GRID1: variants seen among roughly 807,000 people sequenced by gnomAD.
GRID1 encodes glutamate ionotropic receptor delta type subunit 1, also known as glutamate receptor ionotropic, delta-1.
In GRID1, 28 loss-of-function variants were observed where a neutral mutation model predicts 98.0. The ratio of observed to expected loss-of-function variants is 0.29; its 90% CI spans 0.21 to 0.39. The LOEUF is 0.39. GRID1 is among the 10% of genes least tolerant of loss of function. GRID1 has a pLI of 1.00. For missense variants in GRID1, 1,111 were observed against 1,340.5 expected, an observed-to-expected ratio of 0.83 and a Z score of 2.67; for synonymous variants, 553 against 538.5, an observed-to-expected ratio of 1.03 and a Z score of -0.37.
rs374283613 is a variant in GRID1 at position 86,323,169 on chromosome 10, T to C, written c.235+40772A>G. ...ATCCCAGAAAACAACACAGCCTGCCTACAGAGGAGCAGAAGCTGCAGCAGT... is the reference window on the plus strand; with the variant it reads ...ATCCCAGAAAACAACACAGCCTGCCCACAGAGGAGCAGAAGCTGCAGCAGT... On this transcript the variant is annotated intron_variant, in intron 2 of 15. Transcript: ENST00000327946. 3.3e-5 allele frequency among the ~76,000 whole-genome samples: 5 copies of C among 152,290 alleles called. No homozygotes were observed. The East Asian group carries it at 9.6e-4, about 29-fold the overall frequency.
At chr10:86,128,775 G>A (rs111397796) in intron 4 of GRID1, among the ~76,000 whole-genome samples, 3 of 152,008 alleles carry the variant, frequency 2.0e-5, no homozygotes, top group Admixed American at 1.3e-4. Context: ...TTTTCTCAAC[G>A]CCCTTCATGC....
chr10:86,061,817 C>G (rs1043732522), intron 4 of GRID1, among the ~76,000 whole-genome samples: 1 of 152,204 alleles, frequency 6.6e-6, no homozygotes, highest in Non-Finnish European at 1.5e-5. Context: ...GCCTGTTCAA[C>G]CTGCCTTATT....
intron 8 of GRID1, among the ~76,000 whole-genome samples, chr10:85,732,795 T>C (rs977725101): frequency 2.6e-5 from 4 of 152,220 alleles, no homozygotes; most frequent in African/African-American, 7.2e-5. Context: ...ACTTTTCAGC[T>C]TGGCCTAAAA....
At chr10:86,333,888 G>C (rs1310896334) in intron 2 of GRID1, among the ~76,000 whole-genome samples, 3 of 152,082 alleles carry the variant, frequency 2.0e-5, no homozygotes, top group African/African-American at 7.2e-5. Flanking sequence ...AGAGGAGAAA[G>C]AAAATCCTTG....
At chr10:86,210,635 G>A (rs1177135743) in intron 2 of GRID1, among the ~76,000 whole-genome samples, 6 of 152,152 alleles carry the variant, frequency 3.9e-5, no homozygotes, top group South Asian at 2.1e-4. Context: ...CCCACCCCTC[G>A]TGGAGCCACC....
chr10:85,772,703 A>C lies in GRID1; in HGVS notation c.1234-43089T>G, dbSNP rs9664104. Among the ~76,000 whole-genome samples, 148 of 152,386 alleles carry C rather than the reference A, an allele frequency of 9.7e-4. 1 individual carries two copies. The highest frequency in any genetic ancestry group is 3.3e-3 in the African/African-American group (139 of 41,594). On this transcript the variant is annotated intron_variant, in intron 8 of 15. Coordinates refer to ENST00000327946, the MANE Select transcript of GRID1 (RefSeq NM_017551.3). ...GAGAATACTATAAACACCTCTACGC[A>C]AATAAACTAGAAAATCTAGAAGAAA...
In GRID1 at chr10:86,316,434, C is replaced by T. The variant is rs545390263; in HGVS notation, c.235+47507G>A. On this transcript the variant is annotated intron_variant, in intron 2 of 15. Transcript: ENST00000327946. ...CAGAGTCTCCAGAGATACAACAATC[C>T]CCCCCATCAGGCACAGCCTGGCCCC... is the stretch of plus-strand genomic sequence containing the variant. Among the ~76,000 whole-genome samples, 20 of 152,320 alleles carry T rather than the reference C, an allele frequency of 1.3e-4. No homozygotes were observed. In the South Asian group the frequency reaches 3.7e-3, roughly 28 times the overall value.
chr10:86,000,523 T>TCA (rs1842791194), intron 4 of GRID1, among the ~76,000 whole-genome samples: 2 of 152,228 alleles, frequency 1.3e-5, no homozygotes, highest in African/African-American at 4.8e-5. Flanking sequence ...ATTTTCAGAC[T>TCA]CACCATAAGT....
chr10:85,832,681 C>A (rs1342406919), intron 8 of GRID1, among the ~76,000 whole-genome samples: 1 of 152,048 alleles, frequency 6.6e-6, no homozygotes, highest in Non-Finnish European at 1.5e-5. Context: ...GAACTCAGCG[C>A]TAGAGGAAAA....
At chr10:85,948,183 A>T (rs1299621528) in intron 4 of GRID1, among the ~76,000 whole-genome samples, 1 of 152,276 alleles carries the variant, frequency 6.6e-6, no homozygotes, top group African/African-American at 2.4e-5. Flanking sequence ...GGATTTGATT[A>T]GATGAGATAA....
intron 4 of GRID1, among the ~76,000 whole-genome samples, chr10:86,079,338 A>T (rs1408757852): frequency 2.6e-5 from 4 of 152,168 alleles, no homozygotes; most frequent in Non-Finnish European, 5.9e-5. Flanking sequence ...TCCCTGATAA[A>T]GGCTGAATGT....
chr10:86,283,387 C>T (rs944389483), intron 2 of GRID1, among the ~76,000 whole-genome samples: 1 of 152,146 alleles, frequency 6.6e-6, no homozygotes, highest in Non-Finnish European at 1.5e-5. Context: ...TGAGGGGCCC[C>T]AGTATCTAGC....
intron 12 of GRID1, among the ~76,000 whole-genome samples, chr10:85,691,720 G>C (rs886424916): frequency 2.6e-5 from 4 of 152,060 alleles, no homozygotes; most frequent in African/African-American, 9.7e-5. Context: ...CCCACTACTT[G>C]CATTATCAAC....
intron 6 of GRID1, among the ~76,000 whole-genome samples, chr10:85,859,447 T>TGATG (rs1843144269): frequency 6.6e-6 from 1 of 151,766 alleles, no homozygotes; most frequent in Admixed American, 6.6e-5. Flanking sequence ...ATGGAGTGAT[T>TGATG]GATGGATGGA....
chr10:86,188,483 GCTGT>G (rs1367931862), intron 3 of GRID1, among the ~76,000 whole-genome samples: 3 of 152,132 alleles, frequency 2.0e-5, no homozygotes, highest in Non-Finnish European at 2.9e-5. Flanking sequence ...CTGCCAGCCC[GCTGT>G]CTAAGCCTAG....
At position 85,989,228 on chromosome 10, in the gene GRID1, A is replaced by G. The variant is rs192182154; in HGVS notation, c.727-72989T>C. 2.0e-3 allele frequency among the ~76,000 whole-genome samples: 312 copies of G among 152,306 alleles called. 1 individual carries two copies. Among genetic ancestry groups the G allele is most frequent in the African/African-American group, 7.3e-3 (302 of 41,576 alleles). On this transcript the variant is annotated intron_variant, in intron 4 of 15. Transcript: ENST00000327946. ...TTTGGACAGGTTGTTTGGCATGCAA[A>G]AAGTGTGTCACAGGTGGGTCATTTG...
At chr10:86,242,396 A>AG (rs200359227) in intron 2 of GRID1, among the ~76,000 whole-genome samples, 3,392 of 152,286 alleles carry the variant, frequency 0.022, 51 homozygotes, top group Middle Eastern at 0.068. Context: ...TGAGAGCCTC[A>AG]GGGGGCTAGG....
intron 4 of GRID1, among the ~76,000 whole-genome samples, chr10:85,948,104 G>C (rs1353769744): frequency 1.3e-5 from 2 of 152,174 alleles, no homozygotes; most frequent in African/African-American, 4.8e-5. Flanking sequence ...TTCAAATAAA[G>C]TCTTGGGTTT....
At chr10:85,622,453 C>A (rs746537332) in intron 13 of GRID1, among the ~76,000 whole-genome samples, 2 of 152,098 alleles carry the variant, frequency 1.3e-5, no homozygotes, top group Admixed American at 6.5e-5. Flanking sequence ...GTTGCCCAGG[C>A]TGAACTTGAA....
Sources: gnomAD v4.1 joint callset for allele counts (sites outside exome capture counted in the v4.1 genomes callset) on GRCh38, gnomAD v4.1.1 for gene constraint, MANE v1.5 for transcripts, NCBI Gene and HGNC (gene_info 2026-07-23, HGNC 2026-07-21) for gene names.